BMPR2: variants seen among roughly 807,000 people sequenced by gnomAD.
BMPR2 encodes bone morphogenetic protein receptor type-2.
In BMPR2, 29 loss-of-function variants were observed where a neutral mutation model predicts 100.8. The ratio of observed to expected loss-of-function variants is 0.29; its 90% CI spans 0.21 to 0.39. The LOEUF is 0.39. Ranked by LOEUF, BMPR2 falls within the 10% of genes least tolerant of loss-of-function variation. The pLI is 1.00. For synonymous variants in BMPR2, 382 were observed against 442.3 expected, an observed-to-expected ratio of 0.86 and a Z score of 1.71; for missense variants, 1,011 against 1,274.5, an observed-to-expected ratio of 0.79 and a Z score of 3.15.
At chr2:202,388,043 A>T (rs1690465998) in intron 1 of BMPR2, among the ~76,000 whole-genome samples, 1 of 152,044 alleles carries the variant, frequency 6.6e-6, no homozygotes, top group African/African-American at 2.4e-5. Context: ...AAGAATGCTA[A>T]TCTATAAATT....
chr2:202,391,910 C>T (rs1056651020), intron 1 of BMPR2, among the ~76,000 whole-genome samples: 2 of 150,068 alleles, frequency 1.3e-5, no homozygotes, highest in Non-Finnish European at 3.0e-5. Flanking sequence ...TACAGGCGCG[C>T]GCCACCACGC....
chr2:202,539,221 C>G (rs1311266438), intron 9 of BMPR2, among the ~76,000 whole-genome samples: 1 of 151,946 alleles, frequency 6.6e-6, no homozygotes, highest in Non-Finnish European at 1.5e-5. Context: ...AATAAAAAAC[C>G]ACACCAAGAT....
intron 2 of BMPR2, among the ~76,000 whole-genome samples, chr2:202,466,813 G>A (rs1692332824): frequency 6.7e-6 from 1 of 150,060 alleles, no homozygotes; most frequent in African/African-American, 2.5e-5. Context: ...GCCCAGGCAG[G>A]TCTCAAATTC....
intron 3 of BMPR2, among the ~76,000 whole-genome samples, chr2:202,498,296 AC>A (rs1428436355): frequency 6.6e-6 from 1 of 152,194 alleles, no homozygotes; most frequent in African/African-American, 2.4e-5. Context: ...GTCGGTAAGG[AC>A]CACTAAATCC....
chr2:202,437,741 CT>C (rs1691642754), intron 1 of BMPR2, among the ~76,000 whole-genome samples: 1 of 150,602 alleles, frequency 6.6e-6, no homozygotes, highest in Non-Finnish European at 1.5e-5. Context: ...TGACTGGCTT[CT>C]TTCACTCAGC....
At chr2:202,546,891 C>G (rs902278001) in intron 10 of BMPR2, among the ~76,000 whole-genome samples, 1 of 150,078 alleles carries the variant, frequency 6.7e-6, no homozygotes, top group African/African-American at 2.4e-5. Flanking sequence ...CATGAGCCAC[C>G]GTGCCCAGCC....
intron 1 of BMPR2, among the ~76,000 whole-genome samples, chr2:202,405,251 T>C (rs1559027989): frequency 6.6e-6 from 1 of 152,192 alleles, no homozygotes; most frequent in Non-Finnish European, 1.5e-5. Context: ...TTAGAACTGT[T>C]TAACTGTTCC....
At chr2:202,382,982 T>C (rs1690333475) in intron 1 of BMPR2, among the ~76,000 whole-genome samples, 1 of 152,236 alleles carries the variant, frequency 6.6e-6, no homozygotes, top group South Asian at 2.1e-4. Context: ...GGATCTAAGA[T>C]TCTTTCTAAC....
At chr2:202,446,507 G>A (rs1485578373) in intron 1 of BMPR2, among the ~76,000 whole-genome samples, 1 of 150,596 alleles carries the variant, frequency 6.6e-6, no homozygotes, top group Non-Finnish European at 1.5e-5. Context: ...TTTTGAGTCT[G>A]TAAATCATAA....
Position 202,496,108 on chromosome 2 carries a change from C to G in BMPR2, c.419-17611C>G, listed in dbSNP as rs1693022066. 2.0e-5 allele frequency among the ~76,000 whole-genome samples: 3 copies of G among 152,330 alleles called. 1 individual carries two copies. The South Asian group carries it at 6.2e-4, about 32-fold the overall frequency. On this transcript the variant is annotated intron_variant, in intron 3 of 12. Coordinates refer to ENST00000374580, the MANE Select transcript of BMPR2 (RefSeq NM_001204.7). ...TCTATGATTAAAATGCTGCAAACAT[C>G]ATTTAGTTGCTGTCAATAAGAAATT...
intron 5 of BMPR2, among the ~76,000 whole-genome samples, chr2:202,516,764 T>A (rs1189998295): frequency 6.6e-6 from 1 of 152,220 alleles, no homozygotes; most frequent in African/African-American, 2.4e-5. Context: ...AGTTAACCCA[T>A]GGAATTTTAG....
At chr2:202,393,072 A>G (rs1276047395) in intron 1 of BMPR2, among the ~76,000 whole-genome samples, 1 of 152,150 alleles carries the variant, frequency 6.6e-6, no homozygotes, top group East Asian at 1.9e-4. Flanking sequence ...ATGGCTCAGC[A>G]TGTACCTATA....
intron 3 of BMPR2, among the ~76,000 whole-genome samples, chr2:202,486,531 C>G (rs1177558205): frequency 6.6e-6 from 1 of 150,888 alleles, no homozygotes; most frequent in South Asian, 2.1e-4. Flanking sequence ...ACTCAGGCGG[C>G]TACAGCACAA....
At chr2:202,509,670 A>C (rs1386975767) in intron 3 of BMPR2, among the ~76,000 whole-genome samples, 2 of 151,866 alleles carry the variant, frequency 1.3e-5, no homozygotes, top group Non-Finnish European at 2.9e-5. Context: ...TGTTACATTA[A>C]AATTTTAATA....
In BMPR2 at chr2:202,464,829, C is replaced by T. The variant is rs1389564112; in HGVS notation, c.97C>T (p.Leu33=). The change falls in exon 2 of 13, where the codon CTA becomes TTA. Residue 33 remains leucine (L), a synonymous_variant. Transcript: ENST00000374580. The part of the protein sequence containing the change: ...TAAASQNQER[L]CAFKDPYQQD... ...TTTAGCTTCGCAGAATCAAGAACGG[C>T]TATGTGCGTTTAAAGATCCGTATCA... is the stretch of plus-strand genomic sequence containing the variant. 1 of 1,613,402 alleles carries T rather than the reference C, an allele frequency of 6.2e-7. No homozygotes were observed. Among genetic ancestry groups the T allele is most frequent in the East Asian group, 2.2e-5 (1 of 44,868 alleles).
intron 3 of BMPR2, among the ~76,000 whole-genome samples, chr2:202,498,310 C>T (rs1693087284): frequency 6.6e-6 from 1 of 152,222 alleles, no homozygotes; most frequent in South Asian, 2.1e-4. Flanking sequence ...CTAAATCCGA[C>T]CTTCCTCCGT....
chr2:202,511,152 C>G (rs1190415240), intron 3 of BMPR2, among the ~76,000 whole-genome samples: 1 of 152,174 alleles, frequency 6.6e-6, no homozygotes, highest in Non-Finnish European at 1.5e-5. Context: ...AGCAGTCACT[C>G]CCTATTTCTT....
At chr2:202,531,350 A>C (rs779328862) in intron 8 of BMPR2, among the ~76,000 whole-genome samples, 2 of 152,196 alleles carry the variant, frequency 1.3e-5, no homozygotes, top group African/African-American at 2.4e-5. Context: ...AGGAATTACA[A>C]AATTAGGAAA....
At chr2:202,380,519 C>T (rs1055510217) in intron 1 of BMPR2, among the ~76,000 whole-genome samples, 2 of 151,916 alleles carry the variant, frequency 1.3e-5, no homozygotes, top group Admixed American at 1.3e-4. Context: ...CCCTATAGTC[C>T]AGATGTACTG....
Sources: gnomAD v4.1 joint callset for allele counts (sites outside exome capture counted in the v4.1 genomes callset) on GRCh38, gnomAD v4.1.1 for gene constraint, MANE v1.5 for transcripts, NCBI Gene and HGNC (gene_info 2026-07-23, HGNC 2026-07-21) for gene names.